PALS2: variants seen among roughly 807,000 people sequenced by gnomAD.
PALS2 encodes protein PALS2.
Under a neutral mutation model 61.6 loss-of-function variants are expected in PALS2, and 27 were observed. The ratio of observed to expected loss-of-function variants is 0.44; its 90% CI spans 0.32 to 0.60. The LOEUF is 0.60. Ranked by LOEUF, PALS2 falls within the 20% of genes least tolerant of loss-of-function variation. The pLI is 0.05. For synonymous variants in PALS2, 236 were observed against 218.6 expected, an observed-to-expected ratio of 1.08 and a Z score of -0.70; for missense variants, 554 against 639.4, an observed-to-expected ratio of 0.87 and a Z score of 1.44.
chr7:24,608,390 C>A (rs893238465), intron 1 of PALS2, among the ~76,000 whole-genome samples: 1 of 152,102 alleles, frequency 6.6e-6, no homozygotes, highest in African/African-American at 2.4e-5. Flanking sequence ...AACTCAAATA[C>A]ATTTTCTTCT....
chr7:24,618,332 C>T lies in PALS2; in HGVS notation c.-2-5334C>T, dbSNP rs1180711976. ...TCCTTGCTCTGCAGGACCAGAGCCA[C>T]AGCAGATCCTGTGCTCAGGCTCTGT... On this transcript the variant is annotated intron_variant, in intron 1 of 11. Transcript: ENST00000222644. This position sits in a 1 kb window ranked among gnomAD's most constrained non-coding sequence, Gnocchi z 5.1. Among the ~76,000 whole-genome samples, 1 of 152,208 alleles carries T rather than the reference C, an allele frequency of 6.6e-6. No individual in the cohort carries two copies. The highest frequency in any genetic ancestry group is 1.9e-4 in the East Asian group (1 of 5,190).
Position 24,679,481 on chromosome 7 carries a change from A to G in PALS2, c.1317+148A>G, listed in dbSNP as rs550054037. The G allele has an allele frequency of 1.7e-4, 125 of 721,092 alleles. No individual in the cohort carries two copies. The South Asian group carries it at 2.3e-3, about 13-fold the overall frequency. The allele number at this position is 721,092 out of a possible 1,614,324, so 44.7% of individuals were successfully genotyped here. A position where few individuals can be genotyped will look rare whatever the true frequency, so the allele number is the denominator to read the frequency against. ...TTACCTTTGGGTGATAGAGAATGTT[A>G]TTATGTATACATAGCTAGTTAAATA... On this transcript the variant is annotated intron_variant, in intron 10 of 11. Transcript: ENST00000222644.
chr7:24,598,566 T>C (rs1783603429), intron 1 of PALS2, among the ~76,000 whole-genome samples: 1 of 152,244 alleles, frequency 6.6e-6, no homozygotes, highest in South Asian at 2.1e-4. Context: ...AAGTCTTTCA[T>C]ATAAGAAATG....
Position 24,573,595 on chromosome 7 carries a change from T to C in PALS2, c.-3+2T>C, listed in dbSNP as rs1189198621. 2.7e-6 allele frequency: 1 copy of C among 365,472 alleles called. No homozygotes were observed. Among genetic ancestry groups the C allele is most frequent in the Non-Finnish European group, 4.8e-6 (1 of 206,898 alleles). 22.6% of individuals were successfully genotyped at this position (365,472 alleles called of 1,614,324 possible). ...CGGAGGCGGCTGAGGTGCGAGCCGG[T>C]GAGTTAACTGGACCCCCACGCCGCT... On this transcript the variant is annotated splice_donor_variant, in intron 1 of 11. Transcript: ENST00000222644. LOFTEE classifies it low-confidence loss of function (5UTR_SPLICE). The surrounding 1 kb of genome is among the most constrained non-coding windows in gnomAD (Gnocchi z 5.3).
At chr7:24,593,470 A>G (rs982374460) in intron 1 of PALS2, among the ~76,000 whole-genome samples, 16 of 152,088 alleles carry the variant, frequency 1.1e-4, no homozygotes, top group African/African-American at 2.9e-4. Context: ...AAGGTTTTCA[A>G]TTTGCCCACA....
At chr7:24,575,247 T>C (rs1423802035) in intron 1 of PALS2, among the ~76,000 whole-genome samples, 1 of 152,212 alleles carries the variant, frequency 6.6e-6, no homozygotes, top group Non-Finnish European at 1.5e-5. Context: ...ATTCTTGACA[T>C]CTGGAATGTC....
intron 1 of PALS2, among the ~76,000 whole-genome samples, chr7:24,599,527 T>A (rs2128046776): frequency 6.9e-6 from 1 of 144,958 alleles, no homozygotes; most frequent in Non-Finnish European, 1.5e-5. Flanking sequence ...TTTTTTTTTA[T>A]GGAGTCTTGC....
chr7:24,592,949 A>G (rs1256416494), intron 1 of PALS2, among the ~76,000 whole-genome samples: 1 of 152,082 alleles, frequency 6.6e-6, no homozygotes, highest in Non-Finnish European at 1.5e-5. Context: ...AGACAGATAT[A>G]AAGTTTGCCA....
rs993320794 is a variant in PALS2 at position 24,623,536 on chromosome 7, A to T, written c.-2-130A>T. On this transcript the variant is annotated intron_variant, in intron 1 of 11. Transcript: ENST00000222644. The stretch of plus-strand genomic sequence containing the variant: ...TAACAATTTCATTTTTTAAAATGTT[A>T]TTTTTCCAAAGAGTATTCTTAATGT... The T allele has an allele frequency of 7.0e-6, 4 of 575,432 alleles. No individual in the cohort carries two copies. The African/African-American group carries it at 7.7e-5, about 11-fold the overall frequency. The allele number at this position is 575,432 out of a possible 1,614,324, so 35.6% of individuals were successfully genotyped here.
chr7:24,595,966 G>C (rs1478719603), intron 1 of PALS2, among the ~76,000 whole-genome samples: 2 of 151,936 alleles, frequency 1.3e-5, no homozygotes, highest in Non-Finnish European at 2.9e-5. Context: ...AGCCCAGTGT[G>C]ACTGGAGACA....
At chr7:24,625,162 T>C (rs1479016300) in intron 2 of PALS2, among the ~76,000 whole-genome samples, 1 of 152,178 alleles carries the variant, frequency 6.6e-6, no homozygotes, top group Non-Finnish European at 1.5e-5. Flanking sequence ...TCTGTTGAAA[T>C]TAGTAGGAAC....
chr7:24,640,828 G>GA (rs1287300322), intron 2 of PALS2, among the ~76,000 whole-genome samples: 15 of 151,924 alleles, frequency 9.9e-5, no homozygotes, highest in Non-Finnish European at 1.8e-4. Flanking sequence ...CTAACATGGT[G>GA]AAACCCTGTC....
rs146229699 is a variant in PALS2 at position 24,588,686 on chromosome 7, G to A, written c.-3+15093G>A. Among the ~76,000 whole-genome samples the A allele has an allele frequency of 5.4e-3, 818 of 152,162 alleles. 10 individuals are homozygous for A. The highest frequency in any genetic ancestry group is 8.3e-3 in the Admixed American group (127 of 15,276). On this transcript the variant is annotated intron_variant, in intron 1 of 11. Coordinates refer to ENST00000222644, the MANE Select transcript of PALS2 (RefSeq NM_001303037.2). ...TGCTTACAGATAAAGATTGCCATAC[G>A]TATAACAGCTACATACAAAAAGACT...
intron 1 of PALS2, among the ~76,000 whole-genome samples, chr7:24,590,526 T>A (rs763019398): frequency 8.5e-5 from 13 of 152,144 alleles, no homozygotes; most frequent in Non-Finnish European, 1.6e-4. Context: ...CTGTGATTAC[T>A]AATTCTCAGG....
intron 1 of PALS2, among the ~76,000 whole-genome samples, chr7:24,591,603 G>T (rs1252477042): frequency 1.3e-5 from 2 of 152,048 alleles, no homozygotes; most frequent in African/African-American, 4.8e-5. Flanking sequence ...AATTAAAATA[G>T]TTCTCATTAT....
rs979685343 is a variant in PALS2 at position 24,596,696 on chromosome 7, C to T, written c.-3+23103C>T. On this transcript the variant is annotated intron_variant, in intron 1 of 11. Coordinates refer to ENST00000222644, the MANE Select transcript of PALS2 (RefSeq NM_001303037.2). The surrounding 1 kb of genome is among the most constrained non-coding windows in gnomAD (Gnocchi z 4.5). ...TTGGCAACAGTGCTATTTATTTGAG[C>T]TCTGTTTAAAAAGGAAAAAAAGGAC... 1.3e-5 allele frequency among the ~76,000 whole-genome samples: 2 copies of T among 152,090 alleles called. No individual in the cohort carries two copies. Among genetic ancestry groups the T allele is most frequent in the Admixed American group, 6.6e-5 (1 of 15,230 alleles).
chr7:24,623,885 A>G lies in PALS2; in HGVS notation c.117+101A>G. 5.0e-6 allele frequency: 5 copies of G among 1,009,120 alleles called. No individual in the cohort carries two copies. In the South Asian group the frequency reaches 6.7e-5, roughly 13 times the overall value. 62.5% of individuals were successfully genotyped at this position (1,009,120 alleles called of 1,614,324 possible). A position where few individuals can be genotyped will look rare whatever the true frequency, so the allele number is the denominator to read the frequency against. Reference sequence around the variant, plus strand: ...TTTTAGAATTTGGTTGATATACATTAGGTTTAGTTAGCAAATAAAAACATT... The same window carrying G: ...TTTTAGAATTTGGTTGATATACATTGGGTTTAGTTAGCAAATAAAAACATT... On this transcript the variant is annotated intron_variant, in intron 2 of 11. Transcript: ENST00000222644.
rs1783531657 is a variant in PALS2 at position 24,596,563 on chromosome 7, T to C, written c.-3+22970T>C. 6.6e-6 allele frequency among the ~76,000 whole-genome samples: 1 copy of C among 152,182 alleles called. No homozygotes were observed. Among genetic ancestry groups the C allele is most frequent in the African/African-American group, 2.4e-5 (1 of 41,458 alleles). On this transcript the variant is annotated intron_variant, in intron 1 of 11. Coordinates refer to ENST00000222644, the MANE Select transcript of PALS2 (RefSeq NM_001303037.2). This position sits in a 1 kb window ranked among gnomAD's most constrained non-coding sequence, Gnocchi z 4.5. ...ATTTTCAAACAATTTTGATTCATTA[T>C]ACTACATATTTTCTTGTAAAATAAT...
Position 24,587,205 on chromosome 7 carries a change from T to C in PALS2, c.-3+13612T>C, listed in dbSNP as rs147750332. 1.4e-4 allele frequency among the ~76,000 whole-genome samples: 21 copies of C among 152,206 alleles called. 1 individual carries two copies. In the East Asian group the frequency reaches 4.1e-3, roughly 29 times the overall value. ...TGTCATTTATCCCTGCATTATATACTGTTAAAAACATTGGAAGGACGAAGG... is the reference window on the plus strand; with the variant it reads ...TGTCATTTATCCCTGCATTATATACCGTTAAAAACATTGGAAGGACGAAGG... On this transcript the variant is annotated intron_variant, in intron 1 of 11. Coordinates refer to ENST00000222644, the MANE Select transcript of PALS2 (RefSeq NM_001303037.2).
Sources: allele counts gnomAD v4.1 joint callset (sites outside exome capture counted in the v4.1 genomes callset), GRCh38; gene constraint gnomAD v4.1.1; non-coding constraint Gnocchi (gnomAD v3.1); transcripts MANE v1.5; gene names NCBI Gene and HGNC (gene_info 2026-07-23, HGNC 2026-07-21).